EXOC4: variants seen among roughly 807,000 people sequenced by gnomAD.
EXOC4 encodes the protein SEC8-like 1.
EXOC4 carries 71 observed loss-of-function variants against 107.2 expected under a neutral mutation model. The ratio of observed to expected loss-of-function variants is 0.66; its 90% CI spans 0.55 to 0.81. The LOEUF is 0.81. Ranked by LOEUF, EXOC4 falls within the 30% of genes least tolerant of loss-of-function variation. EXOC4 has a pLI of 0.00. For synonymous variants in EXOC4, 456 were observed against 441.2 expected, an observed-to-expected ratio of 1.03 and a Z score of -0.42; for missense variants, 1,108 against 1,189.6, an observed-to-expected ratio of 0.93 and a Z score of 1.01.
chr7:133,933,884 C>T (rs570110450), intron 13 of EXOC4, among the ~76,000 whole-genome samples: 3 of 152,272 alleles, frequency 2.0e-5, no homozygotes, highest in Non-Finnish European at 4.4e-5. Context: ...TTCACTAAAA[C>T]GTGAAGTTGT....
chr7:133,759,084 C>T (rs118151024), intron 10 of EXOC4, among the ~76,000 whole-genome samples: 2,158 of 152,176 alleles, frequency 0.014, 25 homozygotes, highest in Non-Finnish European at 0.023. Context: ...GCCAAAAAAC[C>T]CCTACGGGCA....
At chr7:134,097,044 A>G in the EXOC4 span, among the ~76,000 whole-genome samples, 1 of 152,132 alleles carries the variant, frequency 6.6e-6, no homozygotes, top group African/African-American at 2.4e-5. Context: ...ATTATGATAT[A>G]TACACATTAA....
intron 7 of EXOC4, among the ~76,000 whole-genome samples, chr7:133,425,586 T>C (rs1042524718): frequency 6.6e-6 from 1 of 152,132 alleles, no homozygotes; most frequent in Admixed American, 6.5e-5. Flanking sequence ...CACGTCTGGC[T>C]CAAGACACTC....
intron 11 of EXOC4, among the ~76,000 whole-genome samples, chr7:133,819,191 C>T (rs150303937): frequency 2.9e-4 from 44 of 152,178 alleles, no homozygotes; most frequent in Non-Finnish European, 4.9e-4. Flanking sequence ...CCTCAGTATC[C>T]CTTGTTCCTG....
intron 7 of EXOC4, among the ~76,000 whole-genome samples, chr7:133,397,659 A>G (rs1797000878): frequency 6.6e-6 from 1 of 151,742 alleles, no homozygotes; most frequent in South Asian, 2.1e-4. Context: ...TATTCCATTT[A>G]ACTTTTCTGT....
chr7:133,767,385 CAT>C (rs1796160658), intron 10 of EXOC4, among the ~76,000 whole-genome samples: 1 of 151,752 alleles, frequency 6.6e-6, no homozygotes, highest in African/African-American at 2.4e-5. Flanking sequence ...AATGACGTAA[CAT>C]ATGTAAAGCA....
In EXOC4 at chr7:133,470,585, G is replaced by T. The variant is rs552078972; in HGVS notation, c.1183-4743G>T. ...CTTCCAAGTGCTTTCCAACTGTTTT[G>T]TTGTTGTTGTTGTTTCTTGCCTTTA... On this transcript the variant is annotated intron_variant, in intron 7 of 17. Coordinates refer to ENST00000253861, the MANE Select transcript of EXOC4 (RefSeq NM_021807.4). Among the ~76,000 whole-genome samples the T allele has an allele frequency of 4.7e-4, 71 of 152,188 alleles. 1 individual carries two copies. The highest frequency in any genetic ancestry group is 8.7e-4 in the Non-Finnish European group (59 of 68,000).
intron 12 of EXOC4, among the ~76,000 whole-genome samples, chr7:133,904,831 T>G (rs6975860): frequency 0.62 from 94,294 of 152,152 alleles, 31,652 homozygotes; most frequent in African/African-American, 0.89. Context: ...AGAAAGTGTT[T>G]TCTTATTGTA....
At chr7:133,318,833 A>C (rs1202374037) in intron 5 of EXOC4, among the ~76,000 whole-genome samples, 1 of 152,220 alleles carries the variant, frequency 6.6e-6, no homozygotes, top group East Asian at 1.9e-4. Context: ...ATTAGTAGCC[A>C]AGTTTTAAAA....
At chr7:133,369,295 T>C (rs564316035) in intron 6 of EXOC4, among the ~76,000 whole-genome samples, 5 of 152,152 alleles carry the variant, frequency 3.3e-5, no homozygotes, top group Admixed American at 3.3e-4. Flanking sequence ...TTTCTCCTTT[T>C]CTTTTTAAAG....
chr7:133,708,777 A>G (rs1794821928), intron 10 of EXOC4, among the ~76,000 whole-genome samples: 1 of 152,258 alleles, frequency 6.6e-6, no homozygotes, highest in Non-Finnish European at 1.5e-5. Context: ...AGTTACATGC[A>G]TTAAATATGT....
chr7:133,856,882 C>T (rs1333304541), intron 11 of EXOC4, among the ~76,000 whole-genome samples: 3 of 151,204 alleles, frequency 2.0e-5, no homozygotes, highest in Non-Finnish European at 4.4e-5. Flanking sequence ...AGGCGGATCA[C>T]GAGGTCAGGA....
intron 7 of EXOC4, among the ~76,000 whole-genome samples, chr7:133,450,753 A>C (rs13241123): frequency 6.6e-6 from 1 of 152,132 alleles, no homozygotes; most frequent in African/African-American, 2.4e-5. Context: ...TTCCTGAAAC[A>C]CATAAAATAA....
At chr7:134,047,260 C>CA (rs1343191098) in intron 17 of EXOC4, among the ~76,000 whole-genome samples, 4 of 152,028 alleles carry the variant, frequency 2.6e-5, no homozygotes, top group Non-Finnish European at 1.5e-5. Context: ...TTTTTCAAAT[C>CA]AGATACTTTT....
At chr7:133,300,631 CACAT>C (rs1478847414) in intron 3 of EXOC4, among the ~76,000 whole-genome samples, 5 of 152,138 alleles carry the variant, frequency 3.3e-5, no homozygotes, top group African/African-American at 1.2e-4. Context: ...ACATTTATGT[CACAT>C]ACATATATAT....
chr7:133,290,070 TC>T (rs1794368866), intron 3 of EXOC4, among the ~76,000 whole-genome samples: 1 of 152,214 alleles, frequency 6.6e-6, no homozygotes. Context: ...TTGCTAAAAG[TC>T]CTTCATAAGA....
intron 10 of EXOC4, among the ~76,000 whole-genome samples, chr7:133,704,081 T>A (rs1794719342): frequency 6.6e-6 from 1 of 152,172 alleles, no homozygotes. Context: ...GTGACACTGA[T>A]CAATCCACTC....
intron 9 of EXOC4, among the ~76,000 whole-genome samples, chr7:133,566,581 A>G (rs1484528996): frequency 2.0e-5 from 3 of 152,150 alleles, no homozygotes; most frequent in Non-Finnish European, 4.4e-5. Flanking sequence ...TGTTTTTGTG[A>G]CTAAGAAACA....
At chr7:133,781,730 G>T (rs1272770368) in intron 10 of EXOC4, among the ~76,000 whole-genome samples, 1 of 152,158 alleles carries the variant, frequency 6.6e-6, no homozygotes. Flanking sequence ...CCCATGCGAG[G>T]CTCAGCAGTG....
Sources: allele counts gnomAD v4.1 joint callset (sites outside exome capture counted in the v4.1 genomes callset), GRCh38; gene constraint gnomAD v4.1.1; transcripts MANE v1.5; gene names NCBI Gene and HGNC (gene_info 2026-07-23, HGNC 2026-07-21).